The following ZNF324 variants were observed in gnomAD, a reference collection of about 807,000 sequenced individuals.
The protein encoded by ZNF324 is zinc finger protein 324.
In ZNF324, 3 loss-of-function variants were observed where a neutral mutation model predicts 10.3. The ratio of observed to expected loss-of-function variants is 0.29; its 90% CI spans 0.13 to 0.75. The LOEUF is 0.75. Ranked by LOEUF, ZNF324 falls within the 30% of genes least tolerant of loss-of-function variation. The pLI is 0.69. For synonymous variants in ZNF324, 430 were observed against 339.5 expected, an observed-to-expected ratio of 1.27 and a Z score of -2.93; for missense variants, 763 against 784.4, an observed-to-expected ratio of 0.97 and a Z score of 0.33.
rs2122412859 is a variant in ZNF324 at position 58,470,844 on chromosome 19, A to G, written c.352A>G (p.Ser118Gly). Residue 118 changes from serine (S) to glycine (G), a missense_variant, in exon 4 of 4, where the codon AGT becomes GGT. By Grantham distance (56) the Ser-to-Gly change is moderately conservative. Coordinates refer to ENST00000196482, the MANE Select transcript of ZNF324 (RefSeq NM_014347.3). Reference sequence around the variant, plus strand: ...CTTCCCTGTTGCCGGTGCCTGCCACAGTGTAAAAAGCCTGCAGAGACAACG... The same window carrying G: ...CTTCCCTGTTGCCGGTGCCTGCCACGGTGTAAAAAGCCTGCAGAGACAACG... ...SVFPVAGACH[S>G]VKSLQRQRGA... 1.2e-6 allele frequency: 2 copies of G among 1,614,162 alleles called. No individual in the cohort carries two copies. Among genetic ancestry groups the G allele is most frequent in the South Asian group, 2.2e-5 (2 of 91,078 alleles).
At chr19:58,469,156 G>C in intron 1 of ZNF324, 24 bp from the exon 2 acceptor site, 2 of 1,614,106 alleles carry the variant, frequency 1.2e-6, no homozygotes, top group East Asian at 2.2e-5. Context: ...GACCATGGCT[G>C]TCTCTTCCTC....
chr19:58,469,213 T>C lies in ZNF324; in HGVS notation c.28T>C (p.Phe10Leu). 6.2e-7 allele frequency: 1 copy of C among 1,614,210 alleles called. No individual in the cohort carries two copies. Among genetic ancestry groups the C allele is most frequent in the South Asian group, 1.1e-5 (1 of 91,088 alleles). MAFEDVAVY[F>L]SQEEWGLLDT... Reference sequence around the variant, plus strand: ...GGCCTTTGAGGATGTGGCTGTGTACTTCTCCCAGGAGGAGTGGGGGCTCCT... The same window carrying C: ...GGCCTTTGAGGATGTGGCTGTGTACCTCTCCCAGGAGGAGTGGGGGCTCCT... Residue 10 changes from phenylalanine to leucine, a missense_variant, in exon 2 of 4, where the codon TTC (phenylalanine) becomes CTC (leucine). Transcript: ENST00000196482.
chr19:58,471,084 T>C lies in ZNF324; in HGVS notation c.592T>C (p.Cys198Arg). The C allele has an allele frequency of 6.2e-7, 1 of 1,613,808 alleles. No individual in the cohort carries two copies. Residue 198 changes from cysteine (C) to arginine (R), a missense_variant, in exon 4 of 4, where the codon TGT becomes CGT. Coordinates refer to ENST00000196482, the MANE Select transcript of ZNF324 (RefSeq NM_014347.3). ...CAGGACGCCTGAGCGGCAGAAACCA[T>C]GTGCACAGGAGGTCCCTGGGAGAAC... Reference protein sequence around the residue: ...QPRTPERQKPCAQEVPGRTFG... With the variant: ...QPRTPERQKPRAQEVPGRTFG...
Position 58,471,457 on chromosome 19 carries a change from T to G in ZNF324, c.965T>G (p.Phe322Cys), listed in dbSNP as rs1165070187. The G allele has an allele frequency of 6.2e-7, 1 of 1,602,230 alleles. No individual in the cohort carries two copies. Among genetic ancestry groups the G allele is most frequent in the Non-Finnish European group, 8.5e-7 (1 of 1,173,094 alleles). ...GCGTGCCCCGTGTGCGGCAAGGCCT[T>G]CCGGCATAGCTCCTCGCTGGTGCGG... ...PYACPVCGKA[F>C]RHSSSLVRHQ... Residue 322 changes from phenylalanine to cysteine, a missense_variant, in exon 4 of 4, where the codon TTC (phenylalanine) becomes TGC (cysteine). By Grantham distance (205) the Phe-to-Cys change is radical. Transcript: ENST00000196482.
chr19:58,474,259 C>T lies in ZNF324; in HGVS notation c.*2105C>T, dbSNP rs965524836. On this transcript the variant is annotated 3_prime_UTR_variant, in exon 4 of 4. Coordinates refer to ENST00000196482, the MANE Select transcript of ZNF324 (RefSeq NM_014347.3). ...CTGTGAAATGCAGACAATAACCCTT[C>T]CCTGCCTGAAAGAGCACTTTTCTGG... 1.3e-5 allele frequency: 2 copies of T among 152,240 alleles called. No homozygotes were observed. Among genetic ancestry groups the T allele is most frequent in the South Asian group, 2.1e-4 (1 of 4,832 alleles). 9.4% of individuals were successfully genotyped at this position (152,240 alleles called of 1,614,324 possible).
In ZNF324 at chr19:58,472,453, C is replaced by A. The variant is rs1352225860; in HGVS notation, c.*299C>A. The A allele has an allele frequency of 4.7e-6, 2 of 426,076 alleles. No individual in the cohort carries two copies. Among genetic ancestry groups the A allele is most frequent in the Non-Finnish European group, 8.4e-6 (2 of 237,108 alleles). 26.4% of individuals were successfully genotyped at this position (426,076 alleles called of 1,614,324 possible). ...GGAGGCCGACAGTCACAGCACTGCA[C>A]TGTGGTGCGGCTTCATGTGATATGA... is the stretch of plus-strand genomic sequence containing the variant. On this transcript the variant is annotated 3_prime_UTR_variant, in exon 4 of 4. Transcript: ENST00000196482.
intron 3 of ZNF324, chr19:58,470,493 C>A (rs542569327): frequency 8.9e-5 from 57 of 638,138 alleles, no homozygotes; most frequent in Non-Finnish European, 1.5e-4. Flanking sequence ...AGCTTCACAT[C>A]CTGGGTGTCG....
Position 58,469,763 on chromosome 19 carries a change from C to G in ZNF324, c.157C>G (p.Leu53Val). ...CTCTCGACCTCGTGTGGTCATCCAA[C>G]TGGAGCGTGGCGAGGAGCCCTGGGT... is the stretch of plus-strand genomic sequence containing the variant. ...STSRPRVVIQLERGEEPWVPS... is the reference protein window; with the variant it reads ...STSRPRVVIQVERGEEPWVPS... Residue 53 changes from leucine to valine, a missense_variant, in exon 3 of 4, where the codon CTG (leucine) becomes GTG (valine). Leu to Val is a conservative substitution (Grantham distance 32). This residue lies in a region of ZNF324 where 379 missense variants were observed against 319.4 expected (regional missense o/e 1.19). Coordinates refer to ENST00000196482, the MANE Select transcript of ZNF324 (RefSeq NM_014347.3). 1 of 1,591,854 alleles carries G rather than the reference C, an allele frequency of 6.3e-7. No homozygotes were observed. The highest frequency in any genetic ancestry group is 1.7e-4 in the Middle Eastern group (1 of 6,030).
Position 58,472,236 on chromosome 19 carries a change from A to G in ZNF324, c.*82A>G. The G allele has an allele frequency of 7.3e-7, 1 of 1,376,852 alleles. No homozygotes were observed. The highest frequency in any genetic ancestry group is 9.7e-7 in the Non-Finnish European group (1 of 1,035,946). The allele number at this position is 1,376,852 out of a possible 1,614,324, so 85.3% of individuals were successfully genotyped here. ...TGTCCTCTGCAGATCCACAGCAGAG[A>G]AAAAGTCCCGTGCTTGCTAGTCAGG... On this transcript the variant is annotated 3_prime_UTR_variant, in exon 4 of 4. Transcript: ENST00000196482.
At chr19:58,470,411 C>T (rs940677635) in intron 3 of ZNF324, 4 of 467,054 alleles carry the variant, frequency 8.6e-6, no homozygotes, top group African/African-American at 4.0e-5. Flanking sequence ...AGGGGGTAAG[C>T]AATGGAAAGA....
chr19:58,472,233 G>C lies in ZNF324; in HGVS notation c.*79G>C. 7.1e-7 allele frequency: 1 copy of C among 1,398,918 alleles called. No homozygotes were observed. Among genetic ancestry groups the C allele is most frequent in the South Asian group, 1.4e-5 (1 of 69,866 alleles). The allele number at this position is 1,398,918 out of a possible 1,614,324, so 86.7% of individuals were successfully genotyped here. On this transcript the variant is annotated 3_prime_UTR_variant, in exon 4 of 4. Transcript: ENST00000196482. ...ATATGTCCTCTGCAGATCCACAGCA[G>C]AGAAAAAGTCCCGTGCTTGCTAGTC...
rs1234659292 is a variant in ZNF324, at chr19:58,471,775, C to T, written c.1283C>T (p.Pro428Leu). The part of the protein sequence containing the change: ...VHTGEKPFAC[P>L]QCGRAFSHSS... The stretch of plus-strand genomic sequence containing the variant: ...ACAGGCGAGAAGCCCTTCGCCTGCC[C>T]ACAGTGCGGCCGCGCCTTTAGCCAC... The change falls in exon 4 of 4, where the codon CCA (proline) becomes CTA (leucine). Residue 428 changes from proline (P) to leucine (L), a missense_variant. Transcript: ENST00000196482. 12 of 1,612,922 alleles carry T rather than the reference C, an allele frequency of 7.4e-6. No homozygotes were observed. Among genetic ancestry groups the T allele is most frequent in the Non-Finnish European group, 9.3e-6 (11 of 1,179,808 alleles).
At position 58,473,536 on chromosome 19, in the gene ZNF324, T is replaced by A. The variant is rs546419468; in HGVS notation, c.*1382T>A. ...ACTCCAGAGCATGGTTCAGTCTTAATAGCAGTTCAAGAGCTTCTCTGATAA... is the reference window on the plus strand; with the variant it reads ...ACTCCAGAGCATGGTTCAGTCTTAAAAGCAGTTCAAGAGCTTCTCTGATAA... On this transcript the variant is annotated 3_prime_UTR_variant, in exon 4 of 4. Coordinates refer to ENST00000196482, the MANE Select transcript of ZNF324 (RefSeq NM_014347.3). The A allele has an allele frequency of 6.6e-6, 1 of 152,168 alleles. No homozygotes were observed. Among genetic ancestry groups the A allele is most frequent in the African/African-American group, 2.4e-5 (1 of 41,428 alleles). The allele number at this position is 152,168 out of a possible 1,614,324, so 9.4% of individuals were successfully genotyped here. A position where few individuals can be genotyped will look rare whatever the true frequency, so the allele number is the denominator to read the frequency against.
chr19:58,468,502 G>A (rs532031536), intron 1 of ZNF324, among the ~76,000 whole-genome samples: 17 of 152,266 alleles, frequency 1.1e-4, no homozygotes, highest in African/African-American at 3.9e-4. Context: ...CCTCAGGCTG[G>A]ATGAGCAGCC....
intron 1 of ZNF324, among the ~76,000 whole-genome samples, chr19:58,468,604 C>G (rs1358895256): frequency 2.6e-5 from 4 of 152,024 alleles, no homozygotes; most frequent in Non-Finnish European, 5.9e-5. Flanking sequence ...TTTCTTGCTA[C>G]AAGAGCAGGA....
rs1168896440 is a variant in ZNF324 at position 58,472,036 on chromosome 19, G to C, written c.1544G>C (p.Ser515Thr). The C allele has an allele frequency of 6.2e-7, 1 of 1,606,778 alleles. No homozygotes were observed. The highest frequency in any genetic ancestry group is 2.2e-5 in the East Asian group (1 of 44,884). ...AAGACCGTCCGGCGATCCAGGGCCA[G>C]CCTGCACCCCCAGGCCAGGTCTGTT... Reference protein sequence around the residue: ...GEKTVRRSRASLHPQARSVAG... With the variant: ...GEKTVRRSRATLHPQARSVAG... Residue 515 changes from serine to threonine, a missense_variant, in exon 4 of 4, where the codon AGC becomes ACC. Ser to Thr is a moderately conservative substitution (Grantham distance 58). Transcript: ENST00000196482.
In ZNF324 at chr19:58,472,166, G is replaced by C. The variant is rs1388474034; in HGVS notation, c.*12G>C. On this transcript the variant is annotated 3_prime_UTR_variant, in exon 4 of 4. Transcript: ENST00000196482. ...CAGCGGAGGTCTGAGGTCACAGGTT[G>C]CAGCCCTGGCCTTCTGTGAATCCCT... 6.4e-7 allele frequency: 1 copy of C among 1,559,546 alleles called. No homozygotes were observed. The highest frequency in any genetic ancestry group is 1.8e-5 in the Admixed American group (1 of 56,978).
chr19:58,471,680 C>CT lies in ZNF324; in HGVS notation c.1190dup (p.Val398ArgfsTer17), dbSNP rs1349472660. 6.2e-7 allele frequency: 1 copy of CT among 1,612,816 alleles called. No individual in the cohort carries two copies. The highest frequency in any genetic ancestry group is 1.3e-5 in the African/African-American group (1 of 74,934). The stretch of plus-strand genomic sequence containing the variant: ...AGCGTACGCACACAGGCGAGAAGCC[C>CT]TTCGTGTGCGCGCTCTGCGGTGCTG... On this transcript the variant is annotated frameshift_variant, in exon 4 of 4. Transcript: ENST00000196482. LOFTEE classifies it low-confidence loss of function (END_TRUNC).
chr19:58,471,773 C>T lies in ZNF324; in HGVS notation c.1281C>T (p.Cys427=), dbSNP rs755764307. ...RVHTGEKPFA[C]PQCGRAFSHS... ...ACACAGGCGAGAAGCCCTTCGCCTGCCCACAGTGCGGCCGCGCCTTTAGCC... is the reference window on the plus strand; with the variant it reads ...ACACAGGCGAGAAGCCCTTCGCCTGTCCACAGTGCGGCCGCGCCTTTAGCC... Residue 427 remains cysteine, a synonymous_variant, in exon 4 of 4, where the codon TGC becomes TGT. Coordinates refer to ENST00000196482, the MANE Select transcript of ZNF324 (RefSeq NM_014347.3). 13 of 1,612,826 alleles carry T rather than the reference C, an allele frequency of 8.1e-6. No homozygotes were observed. The highest frequency in any genetic ancestry group is 7.6e-6 in the Non-Finnish European group (9 of 1,179,786).
Sources: allele counts gnomAD v4.1 joint callset (sites outside exome capture counted in the v4.1 genomes callset), GRCh38; gene constraint gnomAD v4.1.1; regional missense constraint gnomAD v4.1.1; transcripts MANE v1.5; gene names NCBI Gene and HGNC (gene_info 2026-07-23, HGNC 2026-07-21).